CAPN14: variants seen among roughly 807,000 people sequenced by gnomAD.
The protein encoded by CAPN14 is calpain-14.
CAPN14 carries 94 observed loss-of-function variants against 101.3 expected under a neutral mutation model. The ratio of observed to expected loss-of-function variants is 0.93; its 90% CI spans 0.79 to 1.10. CAPN14 has a LOEUF of 1.10. CAPN14 is among the 50% of genes least tolerant of loss of function. The pLI is 0.00. For missense variants in CAPN14, 837 were observed against 828.4 expected (o/e 1.01, Z -0.13); for synonymous variants, 338 against 317.9 (o/e 1.06, Z -0.67).
intron 17 of CAPN14, 41 bp from the exon 18 acceptor site, chr2:31,178,620 T>C (rs2148671171): frequency 1.5e-6 from 2 of 1,363,264 alleles, no homozygotes; most frequent in Non-Finnish European, 2.0e-6. Context: ...GGGAGAGTTC[T>C]ATCCATGCTT....
Position 31,202,132 on chromosome 2 carries a change from A to C in CAPN14, c.414+2T>G. The C allele has an allele frequency of 6.4e-7, 1 of 1,551,542 alleles. No individual in the cohort carries two copies. Among genetic ancestry groups the C allele is most frequent in the Non-Finnish European group, 8.7e-7 (1 of 1,146,704 alleles). On this transcript the variant is annotated splice_donor_variant, in intron 4 of 21. Transcript: ENST00000403897. LOFTEE classifies it high-confidence loss of function. ...GGGCTGAGGACCCGGGAAGACACTC[A>C]CCCAGAACCGGAAGATGCCAGCATA...
In CAPN14 at chr2:31,205,277, GC is replaced by G. The variant is rs1682013566; in HGVS notation, c.170del (p.Gly57AlafsTer41). The G allele has an allele frequency of 6.5e-7, 1 of 1,550,028 alleles. No individual in the cohort carries two copies. On this transcript the variant is annotated frameshift_variant, in exon 2 of 22. Coordinates refer to ENST00000403897, the MANE Select transcript of CAPN14 (RefSeq NM_001145122.2). LOFTEE classifies it high-confidence loss of function. ...TSFPATLSSIGSGSLLQKLPP... is the reference protein window; with the variant it reads ...TSFPATLSSIXSGSLLQKLPP... ...GCAGCTTCTGCAGCAGGGAGCCACT[GC>G]CGATGGAGCTCAGGGTGGCCGGGAA...
At chr2:31,179,553 A>C (rs9308918) in intron 17 of CAPN14, among the ~76,000 whole-genome samples, 50,801 of 152,068 alleles carry the variant, frequency 0.33, 10,080 homozygotes, top group African/African-American at 0.55. Flanking sequence ...GTCTTTACAG[A>C]AGCATGATTT....
rs549381468 is a variant in CAPN14 at position 31,230,838 on chromosome 2, A to G, written c.-177+2953T>C. Among the ~76,000 whole-genome samples the G allele has an allele frequency of 2.6e-5, 4 of 152,290 alleles. No homozygotes were observed. Among genetic ancestry groups the G allele is most frequent in the Non-Finnish European group, 5.9e-5 (4 of 68,004 alleles). On this transcript the variant is annotated intron_variant and NMD_transcript_variant, in intron 1 of 21. Transcript: ENST00000398824. This position sits in a 1 kb window ranked among gnomAD's most constrained non-coding sequence, Gnocchi z 4.3. ...TTTAAATTTTGCTAGTGCTAAACTT[A>G]GTTTTTTTCATTTTTCAGTTTGTGC...
chr2:31,216,182 C>G (rs1682635332), intron 1 of CAPN14, among the ~76,000 whole-genome samples: 1 of 152,202 alleles, frequency 6.6e-6, no homozygotes, highest in South Asian at 2.1e-4. Flanking sequence ...CACAAAAACT[C>G]TTTGATTCCA....
intron 8 of CAPN14, among the ~76,000 whole-genome samples, chr2:31,194,999 A>T (rs988696003): frequency 6.6e-6 from 1 of 152,190 alleles, no homozygotes; most frequent in South Asian, 2.1e-4. Context: ...GTGAGCCCTA[A>T]CATCACCTAG....
intron 16 of CAPN14, among the ~76,000 whole-genome samples, chr2:31,185,649 T>C (rs926672426): frequency 3.3e-5 from 5 of 152,214 alleles, no homozygotes; most frequent in East Asian, 1.9e-4. Flanking sequence ...CTGGCTGTTT[T>C]ACTGATAACT....
At chr2:31,186,577 C>G (rs1245072357) in intron 15 of CAPN14, 92 bp from the exon 16 acceptor site, 1 of 927,382 alleles carries the variant, frequency 1.1e-6, no homozygotes, top group Non-Finnish European at 1.6e-6. Flanking sequence ...TGAAATTAAA[C>G]TGGGATTTCC....
At chr2:31,181,081 G>A (rs2028678) in intron 16 of CAPN14, 81 bp from the exon 17 acceptor site, 297,279 of 1,136,566 alleles carry the variant, frequency 0.26, 42,979 homozygotes, top group African/African-American at 0.55. Context: ...AGGCAGTGCT[G>A]CATGGGCCAG....
chr2:31,219,891 G>A (rs541667238), upstream of CAPN14, among the ~76,000 whole-genome samples: 1 of 152,300 alleles, frequency 6.6e-6, no homozygotes, highest in South Asian at 2.1e-4. Context: ...GAGGTCAAAT[G>A]CGTCTGTGGC....
At chr2:31,207,175 G>A (rs1264343636) in intron 1 of CAPN14, among the ~76,000 whole-genome samples, 1 of 152,154 alleles carries the variant, frequency 6.6e-6, no homozygotes, top group African/African-American at 2.4e-5. Flanking sequence ...CTCCCTCATG[G>A]CTGTAGGAGT....
chr2:31,211,888 T>C (rs887405608), intron 1 of CAPN14, among the ~76,000 whole-genome samples: 4 of 152,312 alleles, frequency 2.6e-5, no homozygotes, highest in African/African-American at 9.6e-5. Context: ...AGTCAGTGGT[T>C]ACCTGGGGCT....
chr2:31,175,286 G>A (rs1454105542), intron 21 of CAPN14, among the ~76,000 whole-genome samples: 1 of 152,194 alleles, frequency 6.6e-6, no homozygotes, highest in Admixed American at 6.5e-5. Context: ...AGCCACAGAT[G>A]GTCAGAGCTG....
Position 31,194,491 on chromosome 2 carries a change from T to C in CAPN14, c.876-8A>G. On this transcript the variant is annotated splice_region_variant and splice_polypyrimidine_tract_variant and intron_variant, in intron 8 of 21. Coordinates refer to ENST00000403897, the MANE Select transcript of CAPN14 (RefSeq NM_001145122.2). ...AGCTCCCATTTACTTGAACTGAAAA[T>C]AGAAAAGGGAATGAAAAGCTTGTGG... is the stretch of plus-strand genomic sequence containing the variant. The C allele has an allele frequency of 3.2e-6, 5 of 1,546,990 alleles. No homozygotes were observed. The highest frequency in any genetic ancestry group is 4.4e-6 in the Non-Finnish European group (5 of 1,142,880).
At chr2:31,208,820 T>C (rs1321770724) in intron 1 of CAPN14, among the ~76,000 whole-genome samples, 1 of 152,138 alleles carries the variant, frequency 6.6e-6, no homozygotes, top group Non-Finnish European at 1.5e-5. Context: ...GTCCACAAAA[T>C]AAGACTATGC....
At chr2:31,182,118 T>C (rs1680675901) in intron 16 of CAPN14, among the ~76,000 whole-genome samples, 2 of 152,158 alleles carry the variant, frequency 1.3e-5, no homozygotes, top group Non-Finnish European at 2.9e-5. Flanking sequence ...ACATTGGCCT[T>C]TGACAAAATT....
chr2:31,206,643 C>T (rs11887960), intron 1 of CAPN14, among the ~76,000 whole-genome samples: 9 of 151,972 alleles, frequency 5.9e-5, no homozygotes, highest in African/African-American at 2.2e-4. Flanking sequence ...ACATATTGTG[C>T]CAAATACCAA....
intron 7 of CAPN14, 41 bp from the exon 8 acceptor site, chr2:31,197,375 G>A: frequency 1.5e-6 from 2 of 1,368,280 alleles, no homozygotes; most frequent in South Asian, 1.2e-5. Flanking sequence ...TGGGCTGAGT[G>A]CAAACATTCC....
rs1558605620 is a variant in CAPN14, at chr2:31,173,161, C to T, written c.*1520G>A. 3 of 152,190 alleles carry T rather than the reference C, an allele frequency of 2.0e-5. No individual in the cohort carries two copies. The highest frequency in any genetic ancestry group is 6.5e-5 in the Admixed American group (1 of 15,278). The allele number at this position is 152,190 out of a possible 1,614,324, so 9.4% of individuals were successfully genotyped here. ...AATGGATATAAAAAACTGTAAAAGG[C>T]TGTAAATACATGATCATCATTTATA... On this transcript the variant is annotated 3_prime_UTR_variant, in exon 22 of 22. Transcript: ENST00000403897.
Sources: allele counts gnomAD v4.1 joint callset (sites outside exome capture counted in the v4.1 genomes callset), GRCh38; gene constraint gnomAD v4.1.1; non-coding constraint Gnocchi (gnomAD v3.1); transcripts MANE v1.5; gene names NCBI Gene and HGNC (gene_info 2026-07-23, HGNC 2026-07-21).